The following ABAT variants were observed in gnomAD, a reference collection of about 807,000 sequenced individuals.
The protein encoded by ABAT is 4-aminobutyrate aminotransferase, mitochondrial.
ABAT carries 45 observed loss-of-function variants against 64.6 expected under a neutral mutation model. That is an observed-to-expected ratio of 0.70 (90% CI 0.55 to 0.89). The LOEUF (loss-of-function observed/expected upper bound fraction) is 0.89. ABAT is among the 40% of genes least tolerant of loss of function. The probability of loss-of-function intolerance (pLI) is 0.00; values close to 1 mark genes in which losing one functional copy is unlikely to be tolerated. For synonymous variants in ABAT, 297 were observed against 250.5 expected (o/e 1.19, Z -1.75); for missense variants, 633 against 658.4 (o/e 0.96, Z 0.42).
chr16:8,775,705 A>T lies in ABAT; in HGVS notation c.1123-639A>T, dbSNP rs2060248359. Among the ~76,000 whole-genome samples the T allele has an allele frequency of 2.0e-5, 3 of 152,196 alleles. No individual in the cohort carries two copies. The South Asian group carries it at 6.2e-4, about 31-fold the overall frequency. On this transcript the variant is annotated intron_variant, in intron 13 of 15. Transcript: ENST00000268251. ...TCACATCTCAATTCTAGGCAGTAGGAAAGAAAAAGAAGGGAAGGACAAAGT... is the reference window on the plus strand; with the variant it reads ...TCACATCTCAATTCTAGGCAGTAGGTAAGAAAAAGAAGGGAAGGACAAAGT...
At chr16:8,773,301 G>A (rs938148093) in intron 12 of ABAT, among the ~76,000 whole-genome samples, 9 of 151,898 alleles carry the variant, frequency 5.9e-5, no homozygotes, top group Admixed American at 2.0e-4. Flanking sequence ...ACAGGCACAC[G>A]TCACCATACC....
intron 1 of ABAT, among the ~76,000 whole-genome samples, chr16:8,696,167 G>A (rs1749488052): frequency 1.3e-5 from 2 of 152,138 alleles, no homozygotes; most frequent in Non-Finnish European, 1.5e-5. Context: ...CCTAACACCT[G>A]GGCCCCATTA....
At chr16:8,696,177 A>G (rs77406118) in intron 1 of ABAT, among the ~76,000 whole-genome samples, 3,648 of 152,078 alleles carry the variant, frequency 0.024, 146 homozygotes, top group African/African-American at 0.083. Context: ...GGGCCCCATT[A>G]CCTCTGTAAT....
chr16:8,740,753 G>A (rs1596446376), intron 2 of ABAT, among the ~76,000 whole-genome samples: 1 of 152,224 alleles, frequency 6.6e-6, no homozygotes, highest in East Asian at 1.9e-4. Flanking sequence ...CAGAGAGTGG[G>A]AGACCACATC....
intron 1 of ABAT, among the ~76,000 whole-genome samples, chr16:8,734,095 A>T (rs2058841638): frequency 6.6e-6 from 1 of 152,144 alleles, no homozygotes; most frequent in South Asian, 2.1e-4. Flanking sequence ...TACAGTGAAC[A>T]TGGGTTAAAA....
intron 5 of ABAT, among the ~76,000 whole-genome samples, chr16:8,752,965 C>A (rs78009353): frequency 6.6e-6 from 1 of 152,132 alleles, no homozygotes; most frequent in East Asian, 1.9e-4. Flanking sequence ...GTAGGGTCTT[C>A]TAACATCACC....
At position 8,781,314 on chromosome 16, in the gene ABAT, G is replaced by A. The variant is rs757912430; in HGVS notation, c.1387G>A (p.Val463Met). Residue 463 changes from valine (V) to methionine (M), a missense_variant, in exon 16 of 16, where the codon GTG becomes ATG. Transcript: ENST00000268251. The surrounding 1 kb of genome is among the most constrained non-coding windows in gnomAD (Gnocchi z 4.5). Reference protein sequence around the residue: ...LILIARNKGVVLGGCGDKSIR... With the variant: ...LILIARNKGVMLGGCGDKSIR... Reference sequence around the variant, plus strand: ...CTACCTCCTGCCTCTTTCAGGTGTGGTGTTGGGTGGCTGTGGTGACAAATC... The same window carrying A: ...CTACCTCCTGCCTCTTTCAGGTGTGATGTTGGGTGGCTGTGGTGACAAATC... The A allele has an allele frequency of 2.7e-5, 43 of 1,614,132 alleles. No homozygotes were observed. The South Asian group carries it at 4.5e-4, about 17-fold the overall frequency.
At chr16:8,761,826 GT>G (rs777287912) in intron 6 of ABAT, among the ~76,000 whole-genome samples, 15 of 152,138 alleles carry the variant, frequency 9.9e-5, no homozygotes, top group Non-Finnish European at 1.8e-4. Flanking sequence ...CCAAGAAGGG[GT>G]TTATCAACCT....
chr16:8,766,384 G>GTAGTTTCTTTTGTTGCGAGCACAGT, intron 9 of ABAT, 114 bp downstream of exon 9: 1 of 1,018,096 alleles, frequency 9.8e-7, no homozygotes. Context: ...GCCAGGCGCG[G>GTAGTTTCTTTTGTTGCGAGCACAGT]TGGCTCATGC....
At chr16:8,743,356 C>CGGGAGATCTTG (rs2059222482) in intron 2 of ABAT, among the ~76,000 whole-genome samples, 1 of 139,946 alleles carries the variant, frequency 7.1e-6, no homozygotes, top group African/African-American at 2.8e-5. Flanking sequence ...GTGTGTGTCA[C>CGGGAGATCTTG]GGGAGATCTT....
At chr16:8,676,265 T>A (rs2057199707) in intron 1 of ABAT, among the ~76,000 whole-genome samples, 1 of 152,082 alleles carries the variant, frequency 6.6e-6, no homozygotes, top group Non-Finnish European at 1.5e-5. Flanking sequence ...CGTGGCCCCT[T>A]CATTTGACAG....
At position 8,779,479 on chromosome 16, in the gene ABAT, G is replaced by GC; in HGVS notation, c.1273dup (p.Arg425ProfsTer23). ...CCAGCCTTGTCTCCTCCCACTACAG[G>GC]CCCGGTACCCCCAGTTCATCAGCAG... On this transcript the variant is annotated frameshift_variant and splice_region_variant, in exon 15 of 16. Coordinates refer to ENST00000268251, the MANE Select transcript of ABAT (RefSeq NM_020686.6). LOFTEE classifies it high-confidence loss of function. 1.2e-6 allele frequency: 2 copies of GC among 1,613,904 alleles called. No homozygotes were observed. Among genetic ancestry groups the GC allele is most frequent in the Non-Finnish European group, 1.7e-6 (2 of 1,179,862 alleles).
intron 1 of ABAT, among the ~76,000 whole-genome samples, chr16:8,675,234 A>G (rs1195458276): frequency 6.6e-6 from 1 of 152,028 alleles, no homozygotes; most frequent in South Asian, 2.1e-4. Context: ...CACCCCAGAT[A>G]CTGGGCTCTG....
chr16:8,775,565 TACACAC>T (rs3069345), intron 13 of ABAT, among the ~76,000 whole-genome samples: 39 of 151,052 alleles, frequency 2.6e-4, no homozygotes, highest in East Asian at 1.4e-3. Flanking sequence ...CATACAGATT[TACACAC>T]ACACACACAC....
rs762912862 is a variant in ABAT, at chr16:8,735,747, C to A, written c.8C>A (p.Ser3Tyr). 6.2e-7 allele frequency: 1 copy of A among 1,604,826 alleles called. No homozygotes were observed. The highest frequency in any genetic ancestry group is 1.7e-5 in the Admixed American group (1 of 58,870). Residue 3 changes from serine (S) to tyrosine (Y), a missense_variant, in exon 2 of 16, where the codon TCC becomes TAC. Coordinates refer to ENST00000268251, the MANE Select transcript of ABAT (RefSeq NM_020686.6). ...CCTGTCCCTCAAGGGGTCATGGCCT[C>A]CATGTTGCTCGCCCAGCGCCTGGCC... is the stretch of plus-strand genomic sequence containing the variant. Reference protein sequence around the residue: MASMLLAQRLACS... With the variant: MAYMLLAQRLACS...
At chr16:8,703,097 T>C (rs2057862092) in intron 1 of ABAT, among the ~76,000 whole-genome samples, 1 of 152,006 alleles carries the variant, frequency 6.6e-6, no homozygotes, top group South Asian at 2.1e-4. Flanking sequence ...TGTATTTATA[T>C]GAAAGGATAC....
intron 1 of ABAT, among the ~76,000 whole-genome samples, chr16:8,690,446 A>G (rs2057553819): frequency 6.6e-6 from 1 of 152,226 alleles, no homozygotes; most frequent in African/African-American, 2.4e-5. Flanking sequence ...CAAAGGGCAA[A>G]TATAAAAGTC....
At chr16:8,679,050 G>T (rs1015316377) in intron 1 of ABAT, among the ~76,000 whole-genome samples, 7 of 152,138 alleles carry the variant, frequency 4.6e-5, no homozygotes, top group African/African-American at 1.4e-4. Context: ...TGGCCACCTT[G>T]TCTCACGTCT....
At chr16:8,737,991 G>GAAAGAAAGAAAGAAAGAAAAA (rs55862439) in intron 2 of ABAT, among the ~76,000 whole-genome samples, 1 of 14,962 alleles carries the variant, frequency 6.7e-5, no homozygotes, top group African/African-American at 2.8e-4. Flanking sequence ...GAAGGAAGGA[G>GAAAGAAAGAAAGAAAGAAAAA]GAAAGAAAGA....
Sources: gnomAD v4.1 joint callset for allele counts (sites outside exome capture counted in the v4.1 genomes callset) on GRCh38, gnomAD v4.1.1 for gene constraint, Gnocchi (gnomAD v3.1) non-coding constraint, MANE v1.5 for transcripts, NCBI Gene and HGNC (gene_info 2026-07-23, HGNC 2026-07-21) for gene names.